DDX46: variants seen among roughly 807,000 people sequenced by gnomAD.
DDX46 encodes DEAD-box helicase 46.
In DDX46, 30 loss-of-function variants were observed where a neutral mutation model predicts 134.9. That is an observed-to-expected ratio of 0.22 (90% CI 0.17 to 0.30). The LOEUF (loss-of-function observed/expected upper bound fraction) is 0.30, where lower values mean the gene tolerates loss of function less well. Among genes scored for constraint, DDX46 ranks in the 10% least tolerant of loss-of-function variants. DDX46 has a pLI of 1.00. For synonymous variants in DDX46, 415 were observed against 404.1 expected (o/e 1.03, Z -0.32); for missense variants, 622 against 1,248.7 (o/e 0.50, Z 7.56).
intron 18 of DDX46, 68 bp downstream of exon 18, chr5:134,811,913 A>G: frequency 1.9e-6 from 3 of 1,539,682 alleles, no homozygotes; most frequent in Non-Finnish European, 1.7e-6. Context: ...GTCTTGCCAT[A>G]TATGGTTATC....
At chr5:134,763,771 A>T in intron 1 of DDX46, 133 bp from the exon 2 acceptor site, 5 of 1,104,852 alleles carry the variant, frequency 4.5e-6, no homozygotes, top group African/African-American at 3.2e-5. Flanking sequence ...TTCCCTCCTA[A>T]TTTTAGAAAA....
At chr5:134,792,921 G>A (rs1257274312) in intron 13 of DDX46, among the ~76,000 whole-genome samples, 1 of 152,094 alleles carries the variant, frequency 6.6e-6, no homozygotes, top group Non-Finnish European at 1.5e-5. Context: ...TTGGGAGGTC[G>A]AGGCAGGTGG....
At chr5:134,764,236 A>G (rs1188837196) in intron 2 of DDX46, 144 bp downstream of exon 2, 2 of 704,314 alleles carry the variant, frequency 2.8e-6, no homozygotes, top group Non-Finnish European at 4.5e-6. Flanking sequence ...GTTTGATTAG[A>G]CCCAGAAGGA....
At chr5:134,819,234 A>G (rs915917055) in intron 21 of DDX46, among the ~76,000 whole-genome samples, 3 of 152,222 alleles carry the variant, frequency 2.0e-5, no homozygotes, top group African/African-American at 7.2e-5. Flanking sequence ...GTCAAATTTG[A>G]AAATTAAAAG....
At chr5:134,772,519 GA>G (rs1357393733) in intron 4 of DDX46, among the ~76,000 whole-genome samples, 5 of 149,270 alleles carry the variant, frequency 3.3e-5, no homozygotes, top group South Asian at 2.1e-4. Context: ...ACTCTGTCTG[GA>G]AAAAAAAAAT....
intron 1 of DDX46, among the ~76,000 whole-genome samples, chr5:134,763,109 G>C (rs536056185): frequency 6.6e-6 from 1 of 152,158 alleles, no homozygotes; most frequent in East Asian, 1.9e-4. Flanking sequence ...ACGCATGCCT[G>C]AAGTTCCGGC....
chr5:134,811,894 G>GT (rs1755155235), intron 18 of DDX46, 49 bp downstream of exon 18: 1 of 1,578,268 alleles, frequency 6.3e-7, no homozygotes, highest in African/African-American at 1.4e-5. Flanking sequence ...TATTTCTTTT[G>GT]TACTGGAGGT....
chr5:134,807,369 G>A (rs1755022484), intron 15 of DDX46, among the ~76,000 whole-genome samples: 1 of 151,994 alleles, frequency 6.6e-6, no homozygotes, highest in Non-Finnish European at 1.5e-5. Flanking sequence ...TCTGGTCCTT[G>A]GACAAAACCG....
At chr5:134,787,685 G>C (rs957551928) in intron 11 of DDX46, among the ~76,000 whole-genome samples, 1 of 152,060 alleles carries the variant, frequency 6.6e-6, no homozygotes, top group Non-Finnish European at 1.5e-5. Flanking sequence ...AGGGACTTCT[G>C]GTATTTTCCA....
intron 3 of DDX46, among the ~76,000 whole-genome samples, chr5:134,769,056 T>C (rs1452413840): frequency 6.6e-6 from 1 of 152,118 alleles, no homozygotes. Flanking sequence ...AGACTCCGTC[T>C]CAAAAAAATC....
chr5:134,781,718 G>A lies in DDX46; in HGVS notation c.880-203G>A, dbSNP rs146051648. Among the ~76,000 whole-genome samples the A allele has an allele frequency of 3.3e-3, 500 of 152,214 alleles. 4 individuals are homozygous for A. The highest frequency in any genetic ancestry group is 0.027 in the Middle Eastern group (8 of 294). On this transcript the variant is annotated intron_variant, in intron 7 of 22. Coordinates refer to ENST00000452510, the MANE Select transcript of DDX46 (RefSeq NM_001300860.2). ...ACGTTTCTAATTCAAGGTGTCATAC[G>A]TCATTTGAGGTGATTTTAAAATTAT...
At chr5:134,797,167 CAAAAAAAAAA>C (rs61547263) in intron 15 of DDX46, 55 of 22,946 alleles carry the variant, frequency 2.4e-3, no homozygotes, top group African/African-American at 6.0e-3. Flanking sequence ...AACTCCGTCT[CAAAAAAAAAA>C]AAAAAAAAAA....
intron 3 of DDX46, among the ~76,000 whole-genome samples, chr5:134,769,932 AT>A (rs761926065): frequency 1.2e-4 from 18 of 152,064 alleles, no homozygotes; most frequent in Middle Eastern, 3.4e-3. Flanking sequence ...AAGTGCTGAG[AT>A]TAGAGGCATG....
chr5:134,777,212 C>T (rs1753970044), intron 5 of DDX46, among the ~76,000 whole-genome samples: 1 of 151,948 alleles, frequency 6.6e-6, no homozygotes, highest in South Asian at 2.1e-4. Flanking sequence ...AGCGAGACTC[C>T]GTCTCAAAAA....
At chr5:134,767,374 T>C (rs962180917) in intron 3 of DDX46, among the ~76,000 whole-genome samples, 1 of 152,132 alleles carries the variant, frequency 6.6e-6, no homozygotes, top group Non-Finnish European at 1.5e-5. Flanking sequence ...GGTCTCACTC[T>C]GTTGCCCAGG....
chr5:134,798,161 C>G (rs1754723428), intron 15 of DDX46, among the ~76,000 whole-genome samples: 1 of 149,474 alleles, frequency 6.7e-6, no homozygotes, highest in African/African-American at 2.5e-5. Flanking sequence ...TAAAATATCC[C>G]CGCCCCCCAC....
Position 134,782,066 on chromosome 5 carries a change from TA to T in DDX46, c.1026del (p.Ala343GlnfsTer8). On this transcript the variant is annotated frameshift_variant, in exon 8 of 23. Transcript: ENST00000452510. LOFTEE classifies it high-confidence loss of function. Reference protein sequence around the residue: ...RKNFYVEVPELAKMSQEEVNV... With the variant: ...RKNFYVEVPEXAKMSQEEVNV... ...AACTTCTATGTTGAAGTTCCAGAACTAGCAAAAATGTCTCAAGAAGGTAAAA... is the reference window on the plus strand; with the variant it reads ...AACTTCTATGTTGAAGTTCCAGAACTGCAAAAATGTCTCAAGAAGGTAAAA... 1.9e-6 allele frequency: 3 copies of T among 1,587,962 alleles called. No homozygotes were observed. Among genetic ancestry groups the T allele is most frequent in the Non-Finnish European group, 2.6e-6 (3 of 1,174,048 alleles).
chr5:134,782,062 G>C lies in DDX46; in HGVS notation c.1021G>C (p.Glu341Gln). 11 of 1,588,992 alleles carry C rather than the reference G, an allele frequency of 6.9e-6. No homozygotes were observed. Among genetic ancestry groups the C allele is most frequent in the Non-Finnish European group, 9.4e-6 (11 of 1,174,382 alleles). Reference protein sequence around the residue: ...FRKNFYVEVPELAKMSQEEVN... With the variant: ...FRKNFYVEVPQLAKMSQEEVN... ...GAAAAACTTCTATGTTGAAGTTCCAGAACTAGCAAAAATGTCTCAAGAAGG... is the reference window on the plus strand; with the variant it reads ...GAAAAACTTCTATGTTGAAGTTCCACAACTAGCAAAAATGTCTCAAGAAGG... Residue 341 changes from glutamate (E) to glutamine (Q), a missense_variant, in exon 8 of 23, where the codon GAA becomes CAA. Around this residue, in one of 8 missense-constraint regions of DDX46, gnomAD observed 63 missense variants for 84.0 expected, o/e 0.75. Coordinates refer to ENST00000452510, the MANE Select transcript of DDX46 (RefSeq NM_001300860.2).
intron 18 of DDX46, among the ~76,000 whole-genome samples, chr5:134,814,551 C>T (rs568096716): frequency 3.9e-5 from 6 of 152,238 alleles, no homozygotes; most frequent in Admixed American, 2.6e-4. Flanking sequence ...CGGTTTTACT[C>T]AGGTAAATGT....
Sources: gnomAD v4.1 joint callset for allele counts (sites outside exome capture counted in the v4.1 genomes callset) on GRCh38, gnomAD v4.1.1 for gene constraint, gnomAD v4.1.1 regional missense constraint, MANE v1.5 for transcripts, NCBI Gene and HGNC (gene_info 2026-07-23, HGNC 2026-07-21) for gene names.